Variants in USP11 observed in about 807,000 individuals in gnomAD.
USP11 encodes the protein ubiquitin specific peptidase 11.
USP11 carries 5 observed loss-of-function variants against 72.8 expected under a neutral mutation model. The ratio of observed to expected loss-of-function variants is 0.07; its 90% CI spans 0.04 to 0.14. The LOEUF is 0.14. Among genes scored for constraint, USP11 ranks in the 10% least tolerant of loss-of-function variants. The pLI, the probability that USP11 is intolerant of heterozygous loss-of-function variation, is 1.00. For synonymous variants in USP11, 368 were observed against 326.5 expected (o/e 1.13, Z -1.37); for missense variants, 480 against 794.7 (o/e 0.60, Z 4.76).
At chrX:47,233,633 G>T in intron 1 of USP11, 1 of 690,800 alleles carries the variant, frequency 1.4e-6, no homozygotes, top group Non-Finnish European at 1.7e-6. Context: ...GGCTGGGAAC[G>T]AGGCGAGCTT....
rs1389270745 is a variant in USP11, at chrX:47,245,400, G to A, written c.2188G>A (p.Val730Met). 1.7e-6 allele frequency: 2 copies of A among 1,211,798 alleles called. No individual in the cohort carries two copies. Among genetic ancestry groups the A allele is most frequent in the Non-Finnish European group, 2.2e-6 (2 of 895,325 alleles). The part of the protein sequence containing the change: ...GYVKHDCVGY[V>M]MKKAPVRLQE... ...CGTGAAGCATGACTGCGTCGGGTAC[G>A]TGATGAAGAAGGCTCCCGTGCGGCT... Residue 730 changes from valine (V) to methionine (M), a missense_variant, in exon 17 of 21, where the codon GTG becomes ATG. Physicochemically the swap from Val to Met is conservative, Grantham distance 21 (BLOSUM62 1). Transcript: ENST00000377107.
At chrX:47,233,382 A>C (rs1255054491) in intron 1 of USP11, 163 bp downstream of exon 1, 1 of 1,077,065 alleles carries the variant, frequency 9.3e-7, no homozygotes, top group African/African-American at 1.9e-5. Context: ...AGTGCCTTTG[A>C]ATGAATCGCA....
Position 47,247,654 on chromosome X carries a change from C to T in USP11, c.2580C>T (p.Tyr860=), listed in dbSNP as rs2055441961. The change falls in exon 20 of 21, where the codon TAC becomes TAT. Residue 860 remains tyrosine (Y), a synonymous_variant. Transcript: ENST00000377107. ...ACNKDSGQWH[Y]FDDNSVSPVN... The stretch of plus-strand genomic sequence containing the variant: ...ACAAGGACAGCGGCCAGTGGCACTA[C>T]TTTGATGACAACAGCGTCTCCCCTG... The T allele has an allele frequency of 8.3e-7, 1 of 1,211,538 alleles. No individual in the cohort carries two copies. The highest frequency in any genetic ancestry group is 1.7e-5 in the African/African-American group (1 of 57,700).
chrX:47,233,614 C>T (rs2055356978), intron 1 of USP11: 2 of 741,872 alleles, frequency 2.7e-6, no homozygotes, highest in East Asian at 1.2e-4. Context: ...TTTCCGATTG[C>T]TCCGGGGCGG....
rs141303510 is a variant in USP11, at chrX:47,240,628, C to T, written c.723C>T (p.Pro241=). The change falls in exon 6 of 21, where the codon CCC becomes CCT. Residue 241 remains proline, a synonymous_variant. Coordinates refer to ENST00000377107, the MANE Select transcript of USP11 (RefSeq NM_001371072.1). The part of the protein sequence containing the change: ...METRKKDGTW[P]SAQLHVMNNN... ...CCCGCAAGAAAGATGGCACTTGGCC[C>T]AGCGCACAGCTGCATGTCATGTGAG... 24 of 1,210,358 alleles carry T rather than the reference C, an allele frequency of 2.0e-5. No individual in the cohort carries two copies. The highest frequency in any genetic ancestry group is 3.5e-5 in the South Asian group (2 of 56,857).
rs1569235559 is a variant in USP11 at position 47,241,428 on chromosome X, C to G, written c.998C>G (p.Ser333Cys). 17 of 1,207,904 alleles carry G rather than the reference C, an allele frequency of 1.4e-5. No individual in the cohort carries two copies. Among genetic ancestry groups the G allele is most frequent in the Non-Finnish European group, 1.9e-5 (17 of 893,545 alleles). The change falls in exon 8 of 21, where the codon TCC (serine) becomes TGC (cysteine). Residue 333 changes from serine to cysteine, a missense_variant. Around this residue, in one of 5 missense-constraint regions of USP11, gnomAD observed 314 missense variants for 556.0 expected, o/e 0.56. Coordinates refer to ENST00000377107, the MANE Select transcript of USP11 (RefSeq NM_001371072.1). ...CAGGCGTGGTCTGGCCACCACCGCT[C>G]CATTGTGCCACATGTGTTCAAGGTG... ...VKQAWSGHHR[S>C]IVPHVFKNKV...
rs1366220290 is a variant in USP11, at chrX:47,247,838, C to T, written c.2671C>T (p.Arg891Ter). ...VLFYQRQDVA[R>*]RLLSPAGSSG... ...CTTCTACCAACGCCAGGACGTGGCG[C>T]GACGCCTGCTGTCCCCGGCCGGCTC... The change falls in exon 21 of 21, where the codon CGA (arginine) becomes TGA (stop). Residue 891 changes from arginine (R) to a stop codon, truncating the protein, a stop_gained. Transcript: ENST00000377107. LOFTEE classifies it low-confidence loss of function (END_TRUNC). 5 of 1,208,822 alleles carry T rather than the reference C, an allele frequency of 4.1e-6. No homozygotes were observed. Among genetic ancestry groups the T allele is most frequent in the Non-Finnish European group, 5.6e-6 (5 of 894,652 alleles).
intron 10 of USP11, 50 bp downstream of exon 10, chrX:47,242,356 G>C (rs1205491655): frequency 8.3e-7 from 1 of 1,204,391 alleles, no homozygotes; most frequent in South Asian, 1.8e-5. Flanking sequence ...CATAGAGTTT[G>C]ATTAGCTGCC....
chrX:47,233,056 G>A lies in USP11; in HGVS notation c.13G>A (p.Ala5Thr). Reference sequence around the variant, plus strand: ...AGAACGGACGGCGATGGCGACGGTCGCAGCAAATCCAGCTGCTGCTGCGGC... The same window carrying A: ...AGAACGGACGGCGATGGCGACGGTCACAGCAAATCCAGCTGCTGCTGCGGC... The part of the protein sequence containing the change: MATV[A>T]ANPAAAAAAV... The change falls in exon 1 of 21, where the codon GCA becomes ACA. Residue 5 changes from alanine to threonine, a missense_variant. By Grantham distance (58) the Ala-to-Thr change is moderately conservative (BLOSUM62 0). Transcript: ENST00000377107. 1.7e-6 allele frequency: 2 copies of A among 1,210,297 alleles called. No individual in the cohort carries two copies. The highest frequency in any genetic ancestry group is 2.2e-6 in the Non-Finnish European group (2 of 894,658).
rs781017998 is a variant in USP11 at position 47,243,413 on chromosome X, G to A, written c.1601G>A (p.Arg534His). ...DDIFVYEVSG[R>H]IEAIEGSRED... ...CCCCACAGCTATGAGGTGTCAGGTC[G>A]CATTGAGGCCATTGAGGGCTCAAGA... Residue 534 changes from arginine (R) to histidine (H), a missense_variant, in exon 13 of 21, where the codon CGC becomes CAC. This residue lies in a region of USP11 where 314 missense variants were observed against 556.0 expected (regional missense o/e 0.56). Transcript: ENST00000377107. 4.1e-6 allele frequency: 5 copies of A among 1,210,784 alleles called. No individual in the cohort carries two copies. The highest frequency in any genetic ancestry group is 4.4e-5 in the Admixed American group (2 of 45,897).
Position 47,240,248 on chromosome X carries a change from G to A in USP11, c.536-57G>A. 5 of 1,186,429 alleles carry A rather than the reference G, an allele frequency of 4.2e-6. No homozygotes were observed. The South Asian group carries it at 5.6e-5, about 13-fold the overall frequency. On this transcript the variant is annotated intron_variant, in intron 4 of 20. Transcript: ENST00000377107. ...AGGGATGAGTCAGGTATGCCCAGATGGATTGATCATTTTGGGTCTCACAAA... is the reference window on the plus strand; with the variant it reads ...AGGGATGAGTCAGGTATGCCCAGATAGATTGATCATTTTGGGTCTCACAAA...
intron 13 of USP11, 63 bp from the exon 14 acceptor site, chrX:47,244,435 A>G: frequency 8.7e-7 from 1 of 1,154,612 alleles, no homozygotes; most frequent in Non-Finnish European, 1.2e-6. Flanking sequence ...CTTAAGTAAA[A>G]TCCCGGGCTC....
At position 47,240,469 on chromosome X, in the gene USP11, T is replaced by C; in HGVS notation, c.681+19T>C. The C allele has an allele frequency of 8.3e-7, 1 of 1,211,035 alleles. No homozygotes were observed. Among genetic ancestry groups the C allele is most frequent in the Non-Finnish European group, 1.1e-6 (1 of 895,100 alleles). ...TGGGCAGGTAAGGGTGGGGAGGGCTTTTCTGTTCAGGTGGACTGGCAGATA... is the reference window on the plus strand; with the variant it reads ...TGGGCAGGTAAGGGTGGGGAGGGCTCTTCTGTTCAGGTGGACTGGCAGATA... On this transcript the variant is annotated intron_variant, in intron 5 of 20. Transcript: ENST00000377107.
intron 9 of USP11, 81 bp downstream of exon 9, chrX:47,241,780 C>CT (rs1480728219): frequency 4.8e-6 from 5 of 1,050,966 alleles, no homozygotes; most frequent in African/African-American, 3.8e-5. Flanking sequence ...CCTGGGGTAT[C>CT]TAACACGCCA....
Position 47,247,878 on chromosome X carries a change from C to T in USP11, c.2711C>T (p.Ala904Val). The T allele has an allele frequency of 8.3e-7, 1 of 1,206,369 alleles. No individual in the cohort carries two copies. Among genetic ancestry groups the T allele is most frequent in the Non-Finnish European group, 1.1e-6 (1 of 893,913 alleles). ...CCGGCCGGCTCATCTGGCGCCCCAG[C>T]CTCCCCTGCCTGCAGCTCCCCACCC... is the stretch of plus-strand genomic sequence containing the variant. Reference protein sequence around the residue: ...LSPAGSSGAPASPACSSPPSS... With the variant: ...LSPAGSSGAPVSPACSSPPSS... The change falls in exon 21 of 21, where the codon GCC becomes GTC. Residue 904 changes from alanine to valine, a missense_variant. Around this residue, in one of 5 missense-constraint regions of USP11, gnomAD observed 314 missense variants for 556.0 expected, o/e 0.56. Transcript: ENST00000377107.
intron 2 of USP11, 43 bp downstream of exon 2, chrX:47,239,222 T>G (rs1326177878): frequency 6.8e-6 from 8 of 1,183,105 alleles, no homozygotes. Flanking sequence ...CCTGGAGTTC[T>G]TGTCCCTTCC....
chrX:47,235,372 G>T (rs1038470491), intron 1 of USP11, among the ~76,000 whole-genome samples: 1 of 111,974 alleles, frequency 8.9e-6, no homozygotes, highest in African/African-American at 3.2e-5. Context: ...TTGATCACTT[G>T]GTTATGGTAG....
chrX:47,234,299 C>G (rs1311190034), intron 1 of USP11, among the ~76,000 whole-genome samples: 6 of 111,461 alleles, frequency 5.4e-5, no homozygotes, highest in African/African-American at 2.0e-4. Context: ...GTCATGATAA[C>G]TAAATGCAAC....
chrX:47,244,945 C>T (rs369482278), intron 15 of USP11, 21 bp downstream of exon 15: 22 of 1,209,341 alleles, frequency 1.8e-5, no homozygotes, highest in South Asian at 1.4e-4. Context: ...TGGCTATCAG[C>T]GAGGGCTGGG....
Sources: gnomAD v4.1 joint callset for allele counts (sites outside exome capture counted in the v4.1 genomes callset) on GRCh38, gnomAD v4.1.1 for gene constraint, gnomAD v4.1.1 regional missense constraint, MANE v1.5 for transcripts, NCBI Gene and HGNC (gene_info 2026-07-23, HGNC 2026-07-21) for gene names.